Variants in PRLR observed in about 807,000 individuals in gnomAD.
The protein encoded by PRLR is prolactin receptor.
In PRLR, 13 loss-of-function variants were observed where a neutral mutation model predicts 40.2. The observed-to-expected ratio is 0.32, with a 90% CI of 0.21 to 0.51. The LOEUF (loss-of-function observed/expected upper bound fraction) is 0.51. PRLR is among the 20% of genes least tolerant of loss of function. The probability of loss-of-function intolerance (pLI) is 0.97; values close to 1 mark genes in which losing one functional copy is unlikely to be tolerated. For synonymous variants in PRLR, 269 were observed against 278.7 expected (o/e 0.97, Z 0.35); for missense variants, 656 against 747.3 (o/e 0.88, Z 1.42).
chr5:35,186,780 C>A (rs1204596808), intron 1 of PRLR, among the ~76,000 whole-genome samples: 2 of 152,140 alleles, frequency 1.3e-5, no homozygotes, highest in Non-Finnish European at 2.9e-5. Flanking sequence ...AATGTTCTTG[C>A]TTAAAAATCT....
intron 1 of PRLR, among the ~76,000 whole-genome samples, chr5:35,160,198 G>A (rs1481731461): frequency 6.6e-6 from 1 of 152,200 alleles, no homozygotes; most frequent in African/African-American, 2.4e-5. Context: ...AATTAAAAAT[G>A]AAATATTCTG....
intron 2 of PRLR, among the ~76,000 whole-genome samples, chr5:35,091,252 C>T (rs1345611355): frequency 1.3e-5 from 2 of 152,094 alleles, no homozygotes; most frequent in Non-Finnish European, 2.9e-5. Flanking sequence ...AATGCCCTCC[C>T]AGGGTGCACT....
At chr5:35,198,688 A>G (rs965917711) in intron 1 of PRLR, among the ~76,000 whole-genome samples, 5 of 152,170 alleles carry the variant, frequency 3.3e-5, no homozygotes, top group South Asian at 2.1e-4. Flanking sequence ...AAAGAAATAT[A>G]TATTTTTTTT....
In PRLR at chr5:35,188,326, G is replaced by A. The variant is rs919747544; in HGVS notation, c.-106+41942C>T. ...ATTTTTTAAAGGACTGATTCTAATC[G>A]GTGAGCAAACACTTTTACACTCGTC... is the stretch of plus-strand genomic sequence containing the variant. On this transcript the variant is annotated intron_variant, in intron 1 of 9. Coordinates refer to ENST00000618457, the MANE Select transcript of PRLR (RefSeq NM_000949.7). 2.6e-5 allele frequency among the ~76,000 whole-genome samples: 4 copies of A among 152,240 alleles called. 1 individual carries two copies. Among genetic ancestry groups the A allele is most frequent in the South Asian group, 4.1e-4 (2 of 4,820 alleles).
intron 1 of PRLR, among the ~76,000 whole-genome samples, chr5:35,123,456 G>A (rs1397986445): frequency 1.3e-5 from 2 of 152,170 alleles, no homozygotes; most frequent in East Asian, 3.9e-4. Flanking sequence ...ATGAGTCCTA[G>A]TTATTCATGT....
intron 1 of PRLR, among the ~76,000 whole-genome samples, chr5:35,177,462 C>G (rs930035277): frequency 1.3e-5 from 2 of 152,152 alleles, no homozygotes; most frequent in Non-Finnish European, 2.9e-5. Flanking sequence ...CCAGTCATTC[C>G]CCATCCCCAC....
At chr5:35,093,691 T>C (rs1175700033) in intron 2 of PRLR, among the ~76,000 whole-genome samples, 1 of 152,208 alleles carries the variant, frequency 6.6e-6, no homozygotes, top group African/African-American at 2.4e-5. Flanking sequence ...CTTTAGACTA[T>C]CATACATATG....
At chr5:35,142,112 G>A (rs916396037) in intron 1 of PRLR, among the ~76,000 whole-genome samples, 2 of 152,064 alleles carry the variant, frequency 1.3e-5, no homozygotes, top group Admixed American at 6.6e-5. Flanking sequence ...ACCAACCTTC[G>A]GCAAATCTCT....
chr5:35,208,508 C>T (rs1776081075), intron 1 of PRLR, among the ~76,000 whole-genome samples: 1 of 152,106 alleles, frequency 6.6e-6, no homozygotes, highest in Admixed American at 6.5e-5. Flanking sequence ...TCTGTCTTAC[C>T]TCTTGTGTCT....
At chr5:35,088,461 C>T (rs571646042) in intron 3 of PRLR, among the ~76,000 whole-genome samples, 1 of 152,240 alleles carries the variant, frequency 6.6e-6, no homozygotes, top group East Asian at 1.9e-4. Flanking sequence ...TTAGGGTGAT[C>T]ATTGATTTCT....
At chr5:35,081,951 C>T (rs1770551350) in intron 5 of PRLR, 2 of 199,382 alleles carry the variant, frequency 1.0e-5, no homozygotes, top group Non-Finnish European at 2.1e-5. Flanking sequence ...GTGAATTAGG[C>T]TGCAGCAACA....
chr5:35,171,948 T>C (rs1304770874), intron 1 of PRLR, among the ~76,000 whole-genome samples: 3 of 152,232 alleles, frequency 2.0e-5, no homozygotes, highest in African/African-American at 7.2e-5. Flanking sequence ...TTTGTCAATG[T>C]TGAATGCAAA....
chr5:35,217,863 G>C (rs6451190), intron 1 of PRLR, among the ~76,000 whole-genome samples: 137,263 of 152,256 alleles, frequency 0.9, 62,606 homozygotes, highest in African/African-American at 0.96. Flanking sequence ...GAGATAGACT[G>C]ATTCCTGTGA....
Position 35,065,417 on chromosome 5 carries a change from T to C in PRLR, c.1541A>G (p.Lys514Arg), listed in dbSNP as rs1769296297. The C allele has an allele frequency of 6.2e-7, 1 of 1,614,006 alleles. No individual in the cohort carries two copies. Among genetic ancestry groups the C allele is most frequent in the Non-Finnish European group, 8.5e-7 (1 of 1,180,020 alleles). The change falls in exon 10 of 10, where the codon AAG becomes AGG. Residue 514 changes from lysine (K) to arginine (R), a missense_variant. Lys to Arg is a conservative substitution (Grantham distance 26). This residue lies in a region of PRLR where 469 missense variants were observed against 491.5 expected (regional missense o/e 0.95). Coordinates refer to ENST00000618457, the MANE Select transcript of PRLR (RefSeq NM_000949.7). ...AKPLDYVEIH[K>R]VNKDGALSLL... ...TGATAATGCACCATCTTTGTTGACC[T>C]TGTGAATCTCCACATAATCCAAGGG...
chr5:35,051,373 C>T (rs1218593892), downstream of PRLR, among the ~76,000 whole-genome samples: 1 of 152,258 alleles, frequency 6.6e-6, no homozygotes, highest in Non-Finnish European at 1.5e-5. Flanking sequence ...AACTCAATCT[C>T]TTTTTGGTAA....
chr5:35,215,797 A>T (rs531935808), intron 1 of PRLR, among the ~76,000 whole-genome samples: 1 of 145,788 alleles, frequency 6.9e-6, no homozygotes, highest in East Asian at 2.1e-4. Flanking sequence ...GCACTTTGGG[A>T]GGCTGAGGCA....
At chr5:35,193,905 T>G (rs1224347119) in intron 1 of PRLR, among the ~76,000 whole-genome samples, 1 of 152,202 alleles carries the variant, frequency 6.6e-6, no homozygotes, top group Non-Finnish European at 1.5e-5. Context: ...ATGCCTTTTT[T>G]TAAACTGGCA....
intron 1 of PRLR, among the ~76,000 whole-genome samples, chr5:35,129,111 T>C (rs894920722): frequency 2.6e-5 from 4 of 152,194 alleles, no homozygotes; most frequent in African/African-American, 9.7e-5. Context: ...AAAGAGATGG[T>C]GTCAAATTCT....
Position 35,131,644 on chromosome 5 carries a change from T to C in PRLR, c.-105-13522A>G, listed in dbSNP as rs1213093143. On this transcript the variant is annotated intron_variant, in intron 1 of 9. Coordinates refer to ENST00000618457, the MANE Select transcript of PRLR (RefSeq NM_000949.7). The stretch of plus-strand genomic sequence containing the variant: ...CTGGGGTTCAGATGTTCCTCATAGA[T>C]AAGGAATGAATCTCTGGGATGGCCA... 3.3e-5 allele frequency among the ~76,000 whole-genome samples: 5 copies of C among 152,276 alleles called. No individual in the cohort carries two copies. In the Middle Eastern group the frequency reaches 0.01, roughly 311 times the overall value.
Sources: gnomAD v4.1 joint callset for allele counts (sites outside exome capture counted in the v4.1 genomes callset) on GRCh38, gnomAD v4.1.1 for gene constraint, gnomAD v4.1.1 regional missense constraint, MANE v1.5 for transcripts, NCBI Gene and HGNC (gene_info 2026-07-23, HGNC 2026-07-21) for gene names.